Variants in CTNNA3 observed in about 807,000 individuals in gnomAD.
CTNNA3 encodes the protein catenin alpha-3.
Under a neutral mutation model 95.7 loss-of-function variants are expected in CTNNA3, and 76 were observed. The ratio of observed to expected loss-of-function variants is 0.79; its 90% CI spans 0.66 to 0.96. The LOEUF is 0.96. Among genes scored for constraint, CTNNA3 ranks in the 40% least tolerant of loss-of-function variants. The pLI, the probability that CTNNA3 is intolerant of heterozygous loss-of-function variation, is 0.00. For missense variants in CTNNA3, 1,191 were observed against 1,089.8 expected (o/e 1.09, Z -1.31); for synonymous variants, 431 against 374.4 (o/e 1.15, Z -1.74).
chr10:66,622,374 C>G (rs565063125), intron 9 of CTNNA3, among the ~76,000 whole-genome samples: 48 of 152,214 alleles, frequency 3.2e-4, no homozygotes, highest in African/African-American at 1.1e-3. Flanking sequence ...TTAGTGACAC[C>G]CAAATTTCTC....
chr10:66,343,889 A>G (rs920410214), intron 12 of CTNNA3, among the ~76,000 whole-genome samples: 1 of 151,862 alleles, frequency 6.6e-6, no homozygotes, highest in African/African-American at 2.4e-5. Context: ...AGCCCTCTCA[A>G]TCTTCAAATT....
chr10:66,087,794 C>A (rs992162830), intron 14 of CTNNA3, among the ~76,000 whole-genome samples: 4 of 152,050 alleles, frequency 2.6e-5, no homozygotes, highest in African/African-American at 9.7e-5. Flanking sequence ...ATCCCACTGG[C>A]ATATTAGTTT....
At chr10:66,352,444 G>T (rs964808782) in intron 12 of CTNNA3, among the ~76,000 whole-genome samples, 6 of 152,132 alleles carry the variant, frequency 3.9e-5, no homozygotes. Flanking sequence ...AATAAAGGAA[G>T]AGGACTAGCA....
intron 13 of CTNNA3, among the ~76,000 whole-genome samples, chr10:66,189,617 T>TATATATAC (rs151078010): frequency 0.15 from 21,070 of 140,168 alleles, 2,037 homozygotes; most frequent in Middle Eastern, 0.23. Context: ...TATATATATA[T>TATATATAC]ACACACATAC....
At chr10:66,877,258 A>C (rs1844661595) in intron 7 of CTNNA3, among the ~76,000 whole-genome samples, 1 of 152,210 alleles carries the variant, frequency 6.6e-6, no homozygotes, top group African/African-American at 2.4e-5. Flanking sequence ...AGATTGGCCA[A>C]GCCCCAAAAC....
At chr10:66,277,558 C>T (rs938740675) in intron 13 of CTNNA3, among the ~76,000 whole-genome samples, 9 of 152,004 alleles carry the variant, frequency 5.9e-5, no homozygotes, top group Non-Finnish European at 1.2e-4. Context: ...AAGAAAAAAA[C>T]GGATAGATTT....
intron 7 of CTNNA3, among the ~76,000 whole-genome samples, chr10:67,179,205 A>G (rs1862385946): frequency 6.6e-6 from 1 of 152,076 alleles, no homozygotes; most frequent in Non-Finnish European, 1.5e-5. Context: ...TCTTCTATTT[A>G]TAATAATGCA....
intron 13 of CTNNA3, among the ~76,000 whole-genome samples, chr10:66,130,103 C>T (rs539890920): frequency 1.3e-5 from 2 of 152,276 alleles, no homozygotes; most frequent in Admixed American, 1.3e-4. Flanking sequence ...GTGACCTGCC[C>T]CCAGCCCTGA....
At chr10:66,186,634 C>T (rs1368530288) in intron 13 of CTNNA3, among the ~76,000 whole-genome samples, 1 of 152,052 alleles carries the variant, frequency 6.6e-6, no homozygotes, top group Non-Finnish European at 1.5e-5. Context: ...ATTATCTGAA[C>T]TCAGGTTATT....
At chr10:65,979,742 G>A (rs2078281371) in intron 16 of CTNNA3, among the ~76,000 whole-genome samples, 1 of 151,990 alleles carries the variant, frequency 6.6e-6, no homozygotes, top group Non-Finnish European at 1.5e-5. Flanking sequence ...GTGAAAAAAT[G>A]TCAGACATTA....
chr10:66,101,043 A>G (rs2081605931), intron 14 of CTNNA3, among the ~76,000 whole-genome samples: 1 of 152,184 alleles, frequency 6.6e-6, no homozygotes, highest in African/African-American at 2.4e-5. Flanking sequence ...TTACTTTGCA[A>G]GCCTTGACAC....
intron 13 of CTNNA3, among the ~76,000 whole-genome samples, chr10:66,142,648 C>T (rs554325500): frequency 5.9e-4 from 90 of 152,018 alleles, no homozygotes; most frequent in African/African-American, 2.2e-3. Flanking sequence ...CAACATTAAC[C>T]TTTTGCTATG....
At chr10:66,503,066 A>G (rs1314009787) in intron 11 of CTNNA3, among the ~76,000 whole-genome samples, 1 of 152,182 alleles carries the variant, frequency 6.6e-6, no homozygotes, top group East Asian at 1.9e-4. Flanking sequence ...CTCCTTAAAG[A>G]GATTTATCTT....
intron 7 of CTNNA3, among the ~76,000 whole-genome samples, chr10:66,945,620 T>C (rs1175925842): frequency 6.6e-6 from 1 of 152,186 alleles, no homozygotes; most frequent in Non-Finnish European, 1.5e-5. Flanking sequence ...AACTTTTCCT[T>C]TGCACTAACA....
At chr10:65,925,760 T>C (rs528125189) in intron 17 of CTNNA3, among the ~76,000 whole-genome samples, 1 of 152,294 alleles carries the variant, frequency 6.6e-6, no homozygotes, top group South Asian at 2.1e-4. Flanking sequence ...ATCTTTATTC[T>C]ATTCCTTTCT....
At chr10:66,359,163 T>G (rs955972917) in intron 12 of CTNNA3, among the ~76,000 whole-genome samples, 15 of 152,174 alleles carry the variant, frequency 9.9e-5, no homozygotes, top group Non-Finnish European at 2.1e-4. Flanking sequence ...GCAGAGGGGA[T>G]AGCATTGCAT....
intron 11 of CTNNA3, among the ~76,000 whole-genome samples, chr10:66,421,897 G>GATGTATATATATATATATATATATATAT: frequency 1.3e-4 from 14 of 108,160 alleles, no homozygotes; most frequent in African/African-American, 4.2e-4. Context: ...TAATAAATGT[G>GATGTATATATATATATATATATATATAT]ATATATATAT....
chr10:66,519,455 A>T (rs932450655), intron 11 of CTNNA3, among the ~76,000 whole-genome samples: 1 of 152,190 alleles, frequency 6.6e-6, no homozygotes, highest in African/African-American at 2.4e-5. Context: ...TTGGAGCCCC[A>T]AAATTACTAA....
At chr10:66,340,631 G>A (rs2092443955) in intron 12 of CTNNA3, among the ~76,000 whole-genome samples, 1 of 151,392 alleles carries the variant, frequency 6.6e-6, no homozygotes, top group South Asian at 2.1e-4. Flanking sequence ...AGTAATTATG[G>A]TTATTCATAT....
Sources: allele counts gnomAD v4.1 joint callset (sites outside exome capture counted in the v4.1 genomes callset), GRCh38; gene constraint gnomAD v4.1.1; transcripts MANE v1.5; gene names NCBI Gene and HGNC (gene_info 2026-07-23, HGNC 2026-07-21).